Variants in FRMD6 observed in about 807,000 individuals in gnomAD.
The protein encoded by FRMD6 is FERM domain-containing protein 6.
In FRMD6, 37 loss-of-function variants were observed where a neutral mutation model predicts 73.2. The observed-to-expected ratio is 0.51, with a 90% CI of 0.39 to 0.66. FRMD6 has a LOEUF of 0.66. FRMD6 is among the 30% of genes least tolerant of loss of function. The pLI is 0.00. For missense variants in FRMD6, 714 were observed against 780.5 expected, an observed-to-expected ratio of 0.91 and a Z score of 1.02; for synonymous variants, 273 against 282.2, an observed-to-expected ratio of 0.97 and a Z score of 0.33.
intron 1 of FRMD6, among the ~76,000 whole-genome samples, chr14:51,549,587 T>C (rs1287296200): frequency 8.5e-6 from 1 of 117,442 alleles, no homozygotes; most frequent in Non-Finnish European, 1.7e-5. Flanking sequence ...TAAACTTTTT[T>C]TTTCTTTCTT....
intron 2 of FRMD6, among the ~76,000 whole-genome samples, chr14:51,607,327 A>T (rs564201746): frequency 6.6e-6 from 1 of 152,088 alleles, no homozygotes; most frequent in Non-Finnish European, 1.5e-5. Flanking sequence ...GAAACTATCA[A>T]TATTTGGTAC....
At chr14:51,550,711 A>G (rs1328501574) in intron 1 of FRMD6, among the ~76,000 whole-genome samples, 1 of 152,164 alleles carries the variant, frequency 6.6e-6, no homozygotes, top group Non-Finnish European at 1.5e-5. Flanking sequence ...TTTGAACTGT[A>G]ACTCTCCTAC....
chr14:51,549,926 T>C (rs1223075741), intron 1 of FRMD6, among the ~76,000 whole-genome samples: 1 of 152,248 alleles, frequency 6.6e-6, no homozygotes, highest in Non-Finnish European at 1.5e-5. Flanking sequence ...AAGGCAGGAC[T>C]CTGCCTGCAA....
At chr14:51,451,009 C>A in the FRMD6 span, among the ~76,000 whole-genome samples, 1 of 152,154 alleles carries the variant, frequency 6.6e-6, no homozygotes, top group South Asian at 2.1e-4. Context: ...CACAGAAGAC[C>A]TCCTGCAGGT....
At chr14:51,720,628 G>C (rs892954991) in intron 11 of FRMD6, 27 of 531,618 alleles carry the variant, frequency 5.1e-5, no homozygotes, top group Non-Finnish European at 6.8e-6. Context: ...CTCAGTCTTA[G>C]CTGTTTCTAT....
the FRMD6 span, among the ~76,000 whole-genome samples, chr14:51,404,983 G>A: frequency 6.6e-6 from 1 of 152,032 alleles, no homozygotes. Context: ...GTGTCTATGA[G>A]TTCTCATCAT....
the FRMD6 span, among the ~76,000 whole-genome samples, chr14:51,467,695 G>A: frequency 1.1e-4 from 16 of 151,706 alleles, no homozygotes; most frequent in African/African-American, 3.9e-4. Flanking sequence ...AGATGGGGTC[G>A]CGGCCTGGCA....
At chr14:51,512,104 C>G (rs1401082119) in intron 1 of FRMD6, among the ~76,000 whole-genome samples, 3 of 152,082 alleles carry the variant, frequency 2.0e-5, no homozygotes, top group Non-Finnish European at 2.9e-5. Flanking sequence ...ACTTTTGGGT[C>G]TTGCCTCTGT....
chr14:51,467,569 G>C, the FRMD6 span, among the ~76,000 whole-genome samples: 17 of 151,854 alleles, frequency 1.1e-4, 1 homozygote, highest in South Asian at 3.1e-3. Context: ...CAACCTCCCG[G>C]ACGGGGCGGC....
intron 2 of FRMD6, among the ~76,000 whole-genome samples, chr14:51,608,902 A>G (rs1566500399): frequency 6.6e-6 from 1 of 152,218 alleles, no homozygotes; most frequent in East Asian, 1.9e-4. Context: ...GCAGGGTGAC[A>G]AATAAATGCA....
At chr14:51,629,403 G>C (rs1361171093) in intron 2 of FRMD6, among the ~76,000 whole-genome samples, 1 of 152,076 alleles carries the variant, frequency 6.6e-6, no homozygotes, top group Non-Finnish European at 1.5e-5. Context: ...AAAATTCCTA[G>C]GTAATATTGT....
the FRMD6 span, among the ~76,000 whole-genome samples, chr14:51,411,142 A>G: frequency 6.7e-4 from 102 of 152,240 alleles, 1 homozygote; most frequent in Middle Eastern, 3.4e-3. Context: ...AGAGGCCCCA[A>G]AGCAGCCACT....
intron 1 of FRMD6, among the ~76,000 whole-genome samples, chr14:51,552,419 C>G (rs1886890720): frequency 6.6e-6 from 1 of 152,218 alleles, no homozygotes; most frequent in Admixed American, 6.5e-5. Flanking sequence ...GACGAGTAGC[C>G]TTTGAATTCC....
chr14:51,678,705 C>A (rs1223892126), intron 1 of FRMD6, among the ~76,000 whole-genome samples: 7 of 152,134 alleles, frequency 4.6e-5, no homozygotes, highest in Admixed American at 4.6e-4. Context: ...CTTGAGGAGA[C>A]TCCAGTCCTC....
At chr14:51,591,181 A>C (rs1322276312) in intron 2 of FRMD6, among the ~76,000 whole-genome samples, 2 of 152,192 alleles carry the variant, frequency 1.3e-5, no homozygotes, top group African/African-American at 2.4e-5. Flanking sequence ...AGGCCAGTCC[A>C]TACTGCGTCT....
At chr14:51,697,455 G>T (rs968197915) in intron 2 of FRMD6, among the ~76,000 whole-genome samples, 7 of 152,232 alleles carry the variant, frequency 4.6e-5, no homozygotes, top group African/African-American at 1.4e-4. Context: ...CTGACTCAGG[G>T]AAGCAGAGAA....
At chr14:51,424,752 T>C in the FRMD6 span, among the ~76,000 whole-genome samples, 1 of 152,238 alleles carries the variant, frequency 6.6e-6, no homozygotes. Context: ...GTGTGTATTG[T>C]ATGGCTATTT....
intron 2 of FRMD6, among the ~76,000 whole-genome samples, chr14:51,604,470 G>C (rs1225723055): frequency 2.0e-5 from 3 of 152,112 alleles, no homozygotes; most frequent in Admixed American, 1.3e-4. Flanking sequence ...TTCACAGCAA[G>C]AAGGAAGATT....
At chr14:51,570,616 AC>A (rs1047198403) in intron 2 of FRMD6, among the ~76,000 whole-genome samples, 1 of 152,200 alleles carries the variant, frequency 6.6e-6, no homozygotes, top group African/African-American at 2.4e-5. Context: ...CAGCATCAAC[AC>A]CATGAAGGAA....
Sources: gnomAD v4.1 joint callset for allele counts (sites outside exome capture counted in the v4.1 genomes callset) on GRCh38, gnomAD v4.1.1 for gene constraint, MANE v1.5 for transcripts, NCBI Gene and HGNC (gene_info 2026-07-23, HGNC 2026-07-21) for gene names.